The following GABRA3 variants were observed in gnomAD, a reference collection of about 807,000 sequenced individuals.
GABRA3 encodes the protein gamma-aminobutyric acid receptor subunit alpha-3.
GABRA3 carries 10 observed loss-of-function variants against 30.1 expected under a neutral mutation model. The observed-to-expected ratio is 0.33, with a 90% confidence interval of 0.20 to 0.56. GABRA3 has a LOEUF of 0.56. Among genes scored for constraint, GABRA3 ranks in the 20% least tolerant of loss-of-function variants. The probability of loss-of-function intolerance (pLI) is 0.89; values close to 1 mark genes in which losing one functional copy is unlikely to be tolerated. For synonymous variants in GABRA3, 151 were observed against 146.8 expected, an observed-to-expected ratio of 1.03 and a Z score of -0.21; for missense variants, 233 against 392.0, an observed-to-expected ratio of 0.59 and a Z score of 3.42.
chrX:152,393,582 A>C (rs891754094), intron 1 of GABRA3: 3 of 295,468 alleles, frequency 1.0e-5, no homozygotes, highest in African/African-American at 8.5e-5. Context: ...GCCCAGATGG[A>C]CAGGACATAT....
intron 1 of GABRA3, among the ~76,000 whole-genome samples, chrX:152,401,662 C>T (rs972836422): frequency 1.8e-5 from 2 of 111,519 alleles, no homozygotes; most frequent in Admixed American, 9.5e-5. Flanking sequence ...TCTATGATGG[C>T]GAAAATTCAG....
intron 5 of GABRA3, among the ~76,000 whole-genome samples, chrX:152,232,051 G>A (rs1196806828): frequency 9.0e-6 from 1 of 111,394 alleles, no homozygotes; most frequent in Non-Finnish European, 1.9e-5. Context: ...GGAAGTGATA[G>A]TATGTTCTAA....
intron 9 of GABRA3, among the ~76,000 whole-genome samples, chrX:152,173,327 T>C (rs918600514): frequency 2.7e-5 from 3 of 110,921 alleles, no homozygotes; most frequent in Non-Finnish European, 3.8e-5. Context: ...TGAGATTAGA[T>C]ACTATATTTT....
chrX:152,170,629 T>C (rs1160669982), intron 9 of GABRA3, among the ~76,000 whole-genome samples: 1 of 112,051 alleles, frequency 8.9e-6, no homozygotes, highest in Non-Finnish European at 1.9e-5. Flanking sequence ...GGCACTGTTT[T>C]TTGAGTTGAC....
chrX:152,308,188 A>G (rs1351342201), intron 3 of GABRA3, among the ~76,000 whole-genome samples: 1 of 112,485 alleles, frequency 8.9e-6, no homozygotes, highest in East Asian at 2.8e-4. Context: ...AGCCATCACC[A>G]TGTCTGCTTT....
chrX:152,346,439 TC>T (rs1465117352), intron 2 of GABRA3, among the ~76,000 whole-genome samples: 2 of 111,559 alleles, frequency 1.8e-5, no homozygotes, highest in African/African-American at 3.3e-5. Context: ...GGCAAAAATT[TC>T]TTGAGCAATA....
chrX:152,308,946 T>G (rs887002096), intron 3 of GABRA3, among the ~76,000 whole-genome samples: 1 of 112,024 alleles, frequency 8.9e-6, no homozygotes, highest in Non-Finnish European at 1.9e-5. Context: ...AAGAACCAAA[T>G]TGATCTAATA....
intron 2 of GABRA3, among the ~76,000 whole-genome samples, chrX:152,357,664 G>T (rs756646300): frequency 9.0e-6 from 1 of 111,637 alleles, no homozygotes; most frequent in South Asian, 3.7e-4. Flanking sequence ...TGTTGCAATT[G>T]CTTTTCATGT....
At chrX:152,239,993 C>G (rs1938324188) in intron 5 of GABRA3, among the ~76,000 whole-genome samples, 1 of 96,756 alleles carries the variant, frequency 1.0e-5, no homozygotes, top group Admixed American at 1.1e-4. Flanking sequence ...AGTCCATTTA[C>G]ATTTAAAGTT....
At chrX:152,306,183 T>C (rs1419902031) in intron 3 of GABRA3, among the ~76,000 whole-genome samples, 3 of 111,850 alleles carry the variant, frequency 2.7e-5, no homozygotes, top group African/African-American at 9.7e-5. Context: ...GTACCAAGTG[T>C]TGATAAGGAA....
At chrX:152,443,839 C>A (rs764949971) in intron 1 of GABRA3, among the ~76,000 whole-genome samples, 1 of 111,639 alleles carries the variant, frequency 9.0e-6, no homozygotes, top group Non-Finnish European at 1.9e-5. Flanking sequence ...ATCTGTCATA[C>A]AATTATGGTA....
At chrX:152,230,825 G>A (rs1938053755) in intron 5 of GABRA3, among the ~76,000 whole-genome samples, 1 of 110,190 alleles carries the variant, frequency 9.1e-6, no homozygotes, top group African/African-American at 3.3e-5. Flanking sequence ...ATCATAAATC[G>A]AAATTTAAGA....
At chrX:152,383,987 A>AG (rs1272845565) in intron 1 of GABRA3, among the ~76,000 whole-genome samples, 1 of 109,787 alleles carries the variant, frequency 9.1e-6, no homozygotes, top group Non-Finnish European at 1.9e-5. Flanking sequence ...AAAAAAAAAA[A>AG]AAAGAAAAAC....
intron 5 of GABRA3, among the ~76,000 whole-genome samples, chrX:152,255,552 T>C (rs78685666): frequency 0.05 from 5,597 of 112,301 alleles, 281 homozygotes; most frequent in African/African-American, 0.15. Context: ...TGTATACCTC[T>C]GTGTTTCTCA....
chrX:152,234,005 A>T (rs1286084137), intron 5 of GABRA3, among the ~76,000 whole-genome samples: 2 of 93,509 alleles, frequency 2.1e-5, no homozygotes, highest in African/African-American at 4.0e-5. Context: ...ATGGGAACAC[A>T]TGGACACAGG....
chrX:152,367,443 G>T (rs746710688), intron 1 of GABRA3, among the ~76,000 whole-genome samples: 7 of 111,630 alleles, frequency 6.3e-5, no homozygotes, highest in Admixed American at 9.5e-5. Flanking sequence ...ATTAGCAAAT[G>T]ATTACCAACC....
intron 7 of GABRA3, among the ~76,000 whole-genome samples, chrX:152,200,816 A>G (rs1438426347): frequency 8.9e-6 from 1 of 112,449 alleles, no homozygotes; most frequent in Non-Finnish European, 1.9e-5. Flanking sequence ...TACCAAATTA[A>G]CCATTTGTTT....
At chrX:152,224,913 C>T (rs1937909916) in intron 5 of GABRA3, 68 bp from the exon 6 acceptor site, 3 of 735,848 alleles carry the variant, frequency 4.1e-6, no homozygotes, top group Admixed American at 2.5e-5. Flanking sequence ...GGGCTGCATT[C>T]CCACTCAGTT....
chrX:152,317,148 C>A (rs995248108), intron 3 of GABRA3, among the ~76,000 whole-genome samples: 6 of 111,374 alleles, frequency 5.4e-5, no homozygotes, highest in African/African-American at 9.8e-5. Context: ...AAATTGACAC[C>A]AAAAGTGAGC....
Sources: allele counts gnomAD v4.1 joint callset (sites outside exome capture counted in the v4.1 genomes callset), GRCh38; gene constraint gnomAD v4.1.1; transcripts MANE v1.5; gene names NCBI Gene and HGNC (gene_info 2026-07-23, HGNC 2026-07-21).